The following LRRC37A variants were observed in gnomAD, a reference collection of about 807,000 sequenced individuals.
LRRC37A encodes the protein leucine-rich repeat-containing protein 37A.
A neutral mutation model predicts 35.4 loss-of-function variants in LRRC37A; 3 were observed. That is an observed-to-expected ratio of 0.08 (90% confidence interval 0.04 to 0.22). The LOEUF is 0.22. LRRC37A is among the 10% of genes least tolerant of loss of function. The probability of loss-of-function intolerance (pLI) is 1.00; values close to 1 mark genes in which losing one functional copy is unlikely to be tolerated. For missense variants in LRRC37A, 67 were observed against 565.3 expected, an observed-to-expected ratio of 0.12 and a Z score of 8.94; for synonymous variants, 23 against 215.0, an observed-to-expected ratio of 0.11 and a Z score of 7.81.
chr17:46,257,652 TA>T, the LRRC37A span, among the ~76,000 whole-genome samples: 509 of 135,798 alleles, frequency 3.7e-3, 2 homozygotes, highest in African/African-American at 5.8e-3. Context: ...TGTTTCTACT[TA>T]AAAAAAAAAA....
At chr17:46,271,167 T>TTTTTCTTTTCTTTTC in the LRRC37A span, among the ~76,000 whole-genome samples, 1 of 146,700 alleles carries the variant, frequency 6.8e-6, no homozygotes, top group Non-Finnish European at 1.5e-5. Context: ...ATAGTTTCTT[T>TTTTTCTTTTCTTTTC]TTTTTTTTTT....
the LRRC37A span, among the ~76,000 whole-genome samples, chr17:46,284,978 C>A: frequency 6.6e-6 from 1 of 152,226 alleles, no homozygotes; most frequent in Non-Finnish European, 1.5e-5. Context: ...ATCCTCTCAC[C>A]TCAGCCTCCC....
the LRRC37A span, among the ~76,000 whole-genome samples, chr17:46,264,346 T>C: frequency 6.6e-6 from 1 of 152,188 alleles, no homozygotes; most frequent in African/African-American, 2.4e-5. Context: ...ATACCAGAAA[T>C]TATCAAGGAA....
the LRRC37A span, among the ~76,000 whole-genome samples, chr17:46,286,478 C>T: frequency 6.6e-6 from 1 of 152,300 alleles, no homozygotes; most frequent in South Asian, 2.1e-4. Flanking sequence ...TATAATAAAG[C>T]ACCATTTCAA....
At chr17:46,312,715 CA>C (rs1402212365) in intron 5 of LRRC37A, among the ~76,000 whole-genome samples, 1 of 71,038 alleles carries the variant, frequency 1.4e-5, no homozygotes. Flanking sequence ...GTTTTCATGC[CA>C]AAAAAAAATC....
the LRRC37A span, among the ~76,000 whole-genome samples, chr17:46,259,221 C>T: frequency 8.0e-6 from 1 of 124,632 alleles, no homozygotes; most frequent in East Asian, 2.6e-4. Context: ...CAAATCAGGA[C>T]AATAAAGAAG....
At chr17:46,287,512 TAAG>T in the LRRC37A span, among the ~76,000 whole-genome samples, 1 of 152,264 alleles carries the variant, frequency 6.6e-6, no homozygotes, top group African/African-American at 2.4e-5. Context: ...CAAAATATGC[TAAG>T]AAGAAGAAAA....
At chr17:46,276,604 A>T in the LRRC37A span, among the ~76,000 whole-genome samples, 1 of 152,226 alleles carries the variant, frequency 6.6e-6, no homozygotes, top group Non-Finnish European at 1.5e-5. Context: ...AATGCTGGAG[A>T]TCATAAATTA....
chr17:46,280,099 G>T, the LRRC37A span, among the ~76,000 whole-genome samples: 5 of 152,190 alleles, frequency 3.3e-5, no homozygotes, highest in Non-Finnish European at 7.3e-5. Flanking sequence ...CTGGCCAGGC[G>T]CGGTGGCTCA....
the LRRC37A span, among the ~76,000 whole-genome samples, chr17:46,252,009 T>C: frequency 5.3e-5 from 8 of 152,316 alleles, no homozygotes; most frequent in African/African-American, 1.9e-4. Flanking sequence ...TACATGACTA[T>C]GGATCCAGTT....
At chr17:46,258,216 A>ATTTTTTTTTTTT in the LRRC37A span, among the ~76,000 whole-genome samples, 1 of 143,924 alleles carries the variant, frequency 6.9e-6, no homozygotes, top group Non-Finnish European at 1.6e-5. Context: ...TATGAAAGAG[A>ATTTTTTTTTTTT]TTCTTTTTTT....
At position 46,332,997 on chromosome 17, in the gene LRRC37A, C is replaced by A. The variant is rs555426202; in HGVS notation, c.4809+341C>A. The stretch of plus-strand genomic sequence containing the variant: ...CCCTTACTCTGCCACTAATTTATTT[C>A]CTTGTTGCTGAAATGATGAGAGAGG... On this transcript the variant is annotated intron_variant, in intron 10 of 13. Coordinates refer to ENST00000320254, the Ensembl canonical transcript of LRRC37A. Among the ~76,000 whole-genome samples, 12 of 148,210 alleles carry A rather than the reference C, an allele frequency of 8.1e-5. No homozygotes were observed. The East Asian group carries it at 2.4e-3, about 30-fold the overall frequency.
At chr17:46,259,550 A>C in the LRRC37A span, 79 of 1,610,768 alleles carry the variant, frequency 4.9e-5, no homozygotes, top group African/African-American at 9.0e-4. Context: ...GAATGGAGTC[A>C]CTGTTTAACC....
chr17:46,266,722 C>T, the LRRC37A span, among the ~76,000 whole-genome samples: 3 of 152,248 alleles, frequency 2.0e-5, no homozygotes, highest in East Asian at 5.8e-4. Flanking sequence ...AGTGCGGAGC[C>T]CTGGGAGCGG....
At chr17:46,266,013 C>G in the LRRC37A span, among the ~76,000 whole-genome samples, 1 of 152,210 alleles carries the variant, frequency 6.6e-6, no homozygotes, top group African/African-American at 2.4e-5. Context: ...ACGAGAATCG[C>G]TTGAACCCGG....
the LRRC37A span, chr17:46,268,599 G>T: frequency 6.5e-7 from 1 of 1,547,810 alleles, no homozygotes; most frequent in Non-Finnish European, 8.7e-7. Context: ...CTGTCCAGGG[G>T]ATGGACTGCT....
chr17:46,286,514 A>G, the LRRC37A span, among the ~76,000 whole-genome samples: 7,084 of 131,502 alleles, frequency 0.054, no homozygotes, highest in Middle Eastern at 0.092. Context: ...AAACAAGTCA[A>G]GCTAGTTTAA....
chr17:46,261,421 T>C, the LRRC37A span, among the ~76,000 whole-genome samples: 3 of 152,170 alleles, frequency 2.0e-5, no homozygotes, highest in Non-Finnish European at 4.4e-5. Flanking sequence ...TTGTAATTTT[T>C]TTTTTCTTGA....
At chr17:46,250,654 C>A in the LRRC37A span, among the ~76,000 whole-genome samples, 1 of 150,300 alleles carries the variant, frequency 6.7e-6, no homozygotes, top group East Asian at 1.9e-4. Context: ...AGCCTGCAGA[C>A]GGCCTATTGT....
Sources: gnomAD v4.1 joint callset for allele counts (sites outside exome capture counted in the v4.1 genomes callset) on GRCh38, gnomAD v4.1.1 for gene constraint, MANE v1.5 for transcripts, NCBI Gene and HGNC (gene_info 2026-07-23, HGNC 2026-07-21) for gene names.